The following SNAPC1 variants were observed in gnomAD, a reference collection of about 807,000 sequenced individuals.
The protein encoded by SNAPC1 is snRNA-activating protein complex subunit 1.
Under a neutral mutation model 50.1 loss-of-function variants are expected in SNAPC1, and 42 were observed. The observed-to-expected ratio is 0.84, with a 90% CI of 0.65 to 1.08. SNAPC1 has a LOEUF of 1.08. Among genes scored for constraint, SNAPC1 ranks in the 50% least tolerant of loss-of-function variants. The pLI is 0.00. For missense variants in SNAPC1, 477 were observed against 427.3 expected (o/e 1.12, Z -1.02); for synonymous variants, 164 against 144.2 (o/e 1.14, Z -0.98).
chr14:61,778,244 TC>T (rs1386503418), intron 6 of SNAPC1, 104 bp downstream of exon 6: 2 of 626,038 alleles, frequency 3.2e-6, no homozygotes, highest in Non-Finnish European at 5.3e-6. Flanking sequence ...AAATTCTGAA[TC>T]ATGCTTCTGT....
At chr14:61,775,324 T>G (rs1244367271) in intron 4 of SNAPC1, among the ~76,000 whole-genome samples, 2 of 152,010 alleles carry the variant, frequency 1.3e-5, no homozygotes, top group East Asian at 3.9e-4. Flanking sequence ...GGTTCAATCT[T>G]GGCTCACTGC....
rs76323763 is a variant in SNAPC1, at chr14:61,774,590, C to T, written c.535-1505C>T. ...GGGCTCTCCATGTCTGGACACTGTT[C>T]TCCCATTGCAGATCCTGCATATATG... On this transcript the variant is annotated intron_variant, in intron 4 of 9. Coordinates refer to ENST00000216294, the MANE Select transcript of SNAPC1 (RefSeq NM_003082.4). Among the ~76,000 whole-genome samples, 798 of 150,094 alleles carry T rather than the reference C, an allele frequency of 5.3e-3. 8 individuals are homozygous for T. The highest frequency in any genetic ancestry group is 0.019 in the African/African-American group (761 of 40,640).
chr14:61,792,615 A>G (rs553778934), intron 8 of SNAPC1, among the ~76,000 whole-genome samples, 192 bp from the exon 9 acceptor site: 1 of 152,310 alleles, frequency 6.6e-6, no homozygotes, highest in South Asian at 2.1e-4. Flanking sequence ...CTATTTTCAA[A>G]GTATAAATAC....
At chr14:61,783,438 G>C (rs2045092021) in intron 8 of SNAPC1, among the ~76,000 whole-genome samples, 1 of 150,388 alleles carries the variant, frequency 6.6e-6, no homozygotes, top group Non-Finnish European at 1.5e-5. Context: ...GCTGTATTAA[G>C]ATGTCCTTTT....
In SNAPC1 at chr14:61,776,347, C is replaced by T. The variant is rs1401408871; in HGVS notation, c.693+94C>T. ...TTGGGAGGCAGCCTAGTTTTAGAGG[C>T]TGTAATCCTGTGGAGCTAAGATTTA... On this transcript the variant is annotated intron_variant, in intron 5 of 9. Coordinates refer to ENST00000216294, the MANE Select transcript of SNAPC1 (RefSeq NM_003082.4). The T allele has an allele frequency of 3.6e-6, 4 of 1,124,244 alleles. No individual in the cohort carries two copies. In the Admixed American group the frequency reaches 9.1e-5, roughly 25 times the overall value. The allele number at this position is 1,124,244 out of a possible 1,614,324, so 69.6% of individuals were successfully genotyped here.
Position 61,762,457 on chromosome 14 carries a change from T to TCCGG in SNAPC1, c.-4_-3insCCGG. The TCCGG allele has an allele frequency of 8.9e-7, 1 of 1,129,602 alleles. No homozygotes were observed. 70.0% of individuals were successfully genotyped at this position (1,129,602 alleles called of 1,614,324 possible). A position where few individuals can be genotyped will look rare whatever the true frequency, so the allele number is the denominator to read the frequency against. On this transcript the variant is annotated 5_prime_UTR_variant, in exon 1 of 10. Coordinates refer to ENST00000216294, the MANE Select transcript of SNAPC1 (RefSeq NM_003082.4). Reference sequence around the variant, plus strand: ...GCTTCGGAGGCGTGCGGGCTTCGGGTGCCATGGGGACTCCTCCCGGCCTGC... The same window carrying TCCGG: ...GCTTCGGAGGCGTGCGGGCTTCGGGTCCGGGCCATGGGGACTCCTCCCGGCCTGC...
In SNAPC1 at chr14:61,782,544, T is replaced by TTATTTAA. The variant is rs771901490; in HGVS notation, c.976+147_976+148insTATTTAA. 2.1e-3 allele frequency: 1,294 copies of TTATTTAA among 604,468 alleles called. 19 individuals are homozygous for TTATTTAA. The highest frequency in any genetic ancestry group is 7.9e-4 in the East Asian group (27 of 34,208). The allele number at this position is 604,468 out of a possible 1,614,324, so 37.4% of individuals were successfully genotyped here. A position where few individuals can be genotyped will look rare whatever the true frequency, so the allele number is the denominator to read the frequency against. ...ATTTAATATTAAAAATAAATTCTGT[T>TTATTTAA]AGATTCTTGGAATCTTATTGCTTGA... is the stretch of plus-strand genomic sequence containing the variant. On this transcript the variant is annotated intron_variant, in intron 8 of 9. Coordinates refer to ENST00000216294, the MANE Select transcript of SNAPC1 (RefSeq NM_003082.4).
chr14:61,765,895 C>T (rs1172034370), intron 1 of SNAPC1, among the ~76,000 whole-genome samples: 2 of 152,130 alleles, frequency 1.3e-5, no homozygotes, highest in Admixed American at 1.3e-4. Context: ...ATTAGGAGTG[C>T]GGGTTACTTT....
rs187034376 is a variant in SNAPC1, at chr14:61,794,452, C to T, written c.1073-497C>T. On this transcript the variant is annotated intron_variant, in intron 9 of 9. Transcript: ENST00000216294. ...ATGGAGTCTCGCTCTGTCGTCCAGG[C>T]TGGAGTGCAGTGGCACGATCTTGGC... Among the ~76,000 whole-genome samples, 97 of 152,236 alleles carry T rather than the reference C, an allele frequency of 6.4e-4. 1 individual carries two copies. Among genetic ancestry groups the T allele is most frequent in the African/African-American group, 2.1e-3 (89 of 41,524 alleles).
At chr14:61,778,516 A>G (rs2045050764) in intron 6 of SNAPC1, among the ~76,000 whole-genome samples, 1 of 152,226 alleles carries the variant, frequency 6.6e-6, no homozygotes, top group Non-Finnish European at 1.5e-5. Flanking sequence ...TGGATGAGAC[A>G]AGGAGCCATC....
At chr14:61,765,623 A>G (rs1382407010) in intron 1 of SNAPC1, among the ~76,000 whole-genome samples, 1 of 152,166 alleles carries the variant, frequency 6.6e-6, no homozygotes, top group African/African-American at 2.4e-5. Flanking sequence ...ATATGCATCT[A>G]TCTCAGTGAG....
intron 4 of SNAPC1, among the ~76,000 whole-genome samples, chr14:61,769,567 T>G (rs2044973350): frequency 6.6e-6 from 1 of 151,622 alleles, no homozygotes. Flanking sequence ...CCGGCTGATT[T>G]TTTGTATTTT....
intron 8 of SNAPC1, among the ~76,000 whole-genome samples, chr14:61,783,685 A>G (rs980894889): frequency 1.6e-4 from 25 of 151,572 alleles, no homozygotes; most frequent in Admixed American, 3.9e-4. Flanking sequence ...ACAGGCGCCC[A>G]CCACCATGCC....
intron 8 of SNAPC1, among the ~76,000 whole-genome samples, chr14:61,788,894 T>C (rs1385578952): frequency 2.6e-5 from 4 of 152,120 alleles, no homozygotes; most frequent in Non-Finnish European, 5.9e-5. Flanking sequence ...AATGGGTAAA[T>C]AAAATTATTG....
intron 8 of SNAPC1, among the ~76,000 whole-genome samples, chr14:61,791,665 T>C (rs1041564265): frequency 5.9e-5 from 9 of 152,082 alleles, no homozygotes; most frequent in African/African-American, 2.2e-4. Context: ...CTGGCCAGCA[T>C]GGTGGAACCC....
At chr14:61,793,275 C>T (rs1296207175) in intron 9 of SNAPC1, among the ~76,000 whole-genome samples, 1 of 152,038 alleles carries the variant, frequency 6.6e-6, no homozygotes, top group Non-Finnish European at 1.5e-5. Context: ...TGCTGGGTTG[C>T]CCAGGCTGGA....
chr14:61,779,012 C>G (rs992138137), intron 7 of SNAPC1, 102 bp downstream of exon 7: 5 of 667,690 alleles, frequency 7.5e-6, no homozygotes, highest in Non-Finnish European at 1.3e-5. Context: ...TTTTAAAAGT[C>G]AAATAATGCT....
intron 3 of SNAPC1, among the ~76,000 whole-genome samples, 168 bp downstream of exon 3, chr14:61,767,520 G>A (rs1310117515): frequency 6.6e-6 from 1 of 151,752 alleles, no homozygotes; most frequent in African/African-American, 2.4e-5. Flanking sequence ...CTGGAGTGCA[G>A]TGGCACCATC....
chr14:61,770,759 T>C (rs2044983512), intron 4 of SNAPC1, among the ~76,000 whole-genome samples: 1 of 152,056 alleles, frequency 6.6e-6, no homozygotes, highest in Non-Finnish European at 1.5e-5. Flanking sequence ...TTGAGATAGA[T>C]TCTCTCACTC....
Sources: allele counts gnomAD v4.1 joint callset (sites outside exome capture counted in the v4.1 genomes callset), GRCh38; gene constraint gnomAD v4.1.1; transcripts MANE v1.5; gene names NCBI Gene and HGNC (gene_info 2026-07-23, HGNC 2026-07-21).